Variants in SPG11 observed in about 807,000 individuals in gnomAD.
SPG11 encodes the protein SPG11 vesicle trafficking associated, spatacsin, also known as spatacsin.
A neutral mutation model predicts 274.0 loss-of-function variants in SPG11; 222 were observed. The observed-to-expected ratio is 0.81, with a 90% CI of 0.73 to 0.91. The LOEUF (loss-of-function observed/expected upper bound fraction) is 0.91. SPG11 is among the 40% of genes least tolerant of loss of function. The pLI is 0.00. For synonymous variants in SPG11, 1,144 were observed against 1,039.7 expected (o/e 1.10, Z -1.93); for missense variants, 3,114 against 2,872.7 (o/e 1.08, Z -1.92).
intron 7 of SPG11, among the ~76,000 whole-genome samples, chr15:44,642,041 TG>T (rs2084465748): frequency 6.6e-6 from 1 of 151,114 alleles, no homozygotes; most frequent in Non-Finnish European, 1.5e-5. Flanking sequence ...TAAACATGGA[TG>T]AATCAAAAAA....
chr15:44,644,782 A>C (rs1441061056), intron 7 of SPG11, among the ~76,000 whole-genome samples: 3 of 152,232 alleles, frequency 2.0e-5, no homozygotes, highest in Non-Finnish European at 4.4e-5. Context: ...ATACACCAAC[A>C]ACATTCAAGC....
chr15:44,644,767 T>A (rs1200577558), intron 7 of SPG11, among the ~76,000 whole-genome samples: 1 of 152,130 alleles, frequency 6.6e-6, no homozygotes. Context: ...GTCAGCAGCA[T>A]TTCTATACAC....
chr15:44,575,411 C>T (rs2082514452), intron 30 of SPG11: 2 of 204,770 alleles, frequency 9.8e-6, no homozygotes, highest in Admixed American at 1.0e-4. Flanking sequence ...GCCTTAGTTC[C>T]AGCCTTCATC....
chr15:44,653,560 G>A (rs1192937350), intron 4 of SPG11, among the ~76,000 whole-genome samples: 1 of 152,152 alleles, frequency 6.6e-6, no homozygotes, highest in African/African-American at 2.4e-5. Flanking sequence ...GGGGTAATAG[G>A]CATGAGGAGA....
In SPG11 at chr15:44,605,992, A is replaced by C. The variant is rs747470776; in HGVS notation, c.3520+33T>G. ...TAACTTCTGTAGTTAACACTGCTAA[A>C]ACATGTCTCAAGAAGTACCCATGAT... On this transcript the variant is annotated intron_variant, in intron 20 of 39. Transcript: ENST00000261866. 6 of 1,579,800 alleles carry C rather than the reference A, an allele frequency of 3.8e-6. No homozygotes were observed. The African/African-American group carries it at 8.1e-5, about 21-fold the overall frequency.
intron 38 of SPG11, 61 bp from the exon 39 acceptor site, chr15:44,564,759 A>T (rs2082275587): frequency 6.3e-7 from 1 of 1,577,910 alleles, no homozygotes; most frequent in Non-Finnish European, 8.7e-7. Flanking sequence ...ATCAAAAACA[A>T]ACTGTTGTAG....
At chr15:44,619,703 T>A (rs997904931) in intron 15 of SPG11, among the ~76,000 whole-genome samples, 1 of 151,838 alleles carries the variant, frequency 6.6e-6, no homozygotes, top group Non-Finnish European at 1.5e-5. Context: ...ACTACCCACA[T>A]GATATTAAAT....
intron 15 of SPG11, among the ~76,000 whole-genome samples, chr15:44,618,396 T>C (rs1262467173): frequency 6.7e-6 from 1 of 148,838 alleles, no homozygotes; most frequent in Non-Finnish European, 1.5e-5. Flanking sequence ...CGGGCGCCTG[T>C]AGTCCCAGCT....
In SPG11 at chr15:44,598,714, A is replaced by T. The variant is rs1555451521; in HGVS notation, c.3809T>A (p.Val1270Asp). 6.2e-7 allele frequency: 1 copy of T among 1,614,118 alleles called. No individual in the cohort carries two copies. Among genetic ancestry groups the T allele is most frequent in the Non-Finnish European group, 8.5e-7 (1 of 1,180,008 alleles). ...AATTATATTGGCCACTTTCATATCA[A>T]CTCTGAGCTTGAGGCTGTCAAGGCC... ...LLGLDSLKLR[V>D]DMKVANIILS... is the part of the protein sequence containing the mutation. The change falls in exon 22 of 40, where the codon GTT becomes GAT. Residue 1270 changes from valine (V) to aspartate (D), a missense_variant. Val to Asp is a radical substitution (Grantham distance 152). Coordinates refer to ENST00000261866, the MANE Select transcript of SPG11 (RefSeq NM_025137.4).
intron 32 of SPG11, 67 bp from the exon 33 acceptor site, chr15:44,572,887 G>C (rs2082452259): frequency 1.3e-6 from 2 of 1,543,516 alleles, no homozygotes; most frequent in African/African-American, 2.7e-5. Flanking sequence ...CCCAGGCTTA[G>C]GCACCAGGAG....
At chr15:44,569,372 C>G in intron 35 of SPG11, 26 bp downstream of exon 35, 9 of 1,492,920 alleles carry the variant, frequency 6.0e-6, no homozygotes, top group Non-Finnish European at 8.3e-6. Flanking sequence ...TACACCCCAT[C>G]CTGGAGCTCA....
intron 14 of SPG11, chr15:44,621,042 G>A (rs1047675561): frequency 6.5e-6 from 1 of 153,322 alleles, no homozygotes; most frequent in Admixed American, 6.5e-5. Context: ...GTCTCACTAT[G>A]TTGCTAGGCT....
In SPG11 at chr15:44,564,455, G is replaced by A. The variant is rs963065557; in HGVS notation, c.7151+92C>T. On this transcript the variant is annotated intron_variant, in intron 39 of 39. Coordinates refer to ENST00000261866, the MANE Select transcript of SPG11 (RefSeq NM_025137.4). ...CCATTTTAAGTAGAGGTAATCTAAA[G>A]GCATGGTGTACTTAGCCATAAAATT... 7.8e-6 allele frequency: 10 copies of A among 1,277,338 alleles called. No individual in the cohort carries two copies. The South Asian group carries it at 8.6e-5, about 11-fold the overall frequency. The allele number at this position is 1,277,338 out of a possible 1,614,324, so 79.1% of individuals were successfully genotyped here.
At chr15:44,580,950 G>A (rs535783493) in intron 30 of SPG11, among the ~76,000 whole-genome samples, 2 of 152,234 alleles carry the variant, frequency 1.3e-5, no homozygotes, top group South Asian at 4.1e-4. Flanking sequence ...CAAGTGTGGT[G>A]AAACACATAA....
intron 4 of SPG11, among the ~76,000 whole-genome samples, chr15:44,654,514 A>T (rs1222414812): frequency 2.0e-5 from 3 of 150,844 alleles, no homozygotes; most frequent in African/African-American, 4.9e-5. Flanking sequence ...TCTCAAAATT[A>T]AAAAAAAAGA....
In SPG11 at chr15:44,663,493, TCCGGCTGTGTGCGCAGCTGCGC is replaced by T. The variant is rs1257279372; in HGVS notation, c.133_154del (p.Ala45ArgfsTer6). 3 of 1,593,296 alleles carry T rather than the reference TCCGGCTGTGTGCGCAGCTGCGC, an allele frequency of 1.9e-6. No individual in the cohort carries two copies. In the African/African-American group the frequency reaches 4.0e-5, roughly 21 times the overall value. On this transcript the variant is annotated frameshift_variant, in exon 1 of 40. Coordinates refer to ENST00000261866, the MANE Select transcript of SPG11 (RefSeq NM_025137.4). LOFTEE classifies it high-confidence loss of function. ...CGCAGCCGTCAGGCTCCCCAGAGCC[TCCGGCTGTGTGCGCAGCTGCGC>T]CCGGGAGCCGAGCTGCCCCATCGCC...
rs746703646 is a variant in SPG11, at chr15:44,613,453, C to T, written c.3122G>A (p.Arg1041Gln). The change falls in exon 17 of 40, where the codon CGA becomes CAA. Residue 1041 changes from arginine to glutamine, a missense_variant. Transcript: ENST00000261866. ...HPWFEFLVQC[R>Q]QVASNLTDPK... ...ACCTGTTAAGTTACTGGCAACTTGT[C>T]GACACTGAACTAAAAATTCAAACCA... 23 of 1,613,388 alleles carry T rather than the reference C, an allele frequency of 1.4e-5. No individual in the cohort carries two copies. The highest frequency in any genetic ancestry group is 4.4e-5 in the South Asian group (4 of 91,034).
chr15:44,626,093 G>A (rs1180572112), intron 11 of SPG11, among the ~76,000 whole-genome samples: 4 of 152,048 alleles, frequency 2.6e-5, no homozygotes, highest in Admixed American at 2.6e-4. Flanking sequence ...GCCCATGCTG[G>A]TATTGAATTC....
intron 20 of SPG11, among the ~76,000 whole-genome samples, chr15:44,603,881 CTTT>C (rs959506665): frequency 1.3e-5 from 2 of 151,600 alleles, no homozygotes; most frequent in African/African-American, 2.4e-5. Flanking sequence ...TATTGTTTTT[CTTT>C]TTTTTAAATT....
Sources: gnomAD v4.1 joint callset for allele counts (sites outside exome capture counted in the v4.1 genomes callset) on GRCh38, gnomAD v4.1.1 for gene constraint, MANE v1.5 for transcripts, NCBI Gene and HGNC (gene_info 2026-07-23, HGNC 2026-07-21) for gene names.